JAK2: variants seen among roughly 807,000 people sequenced by gnomAD.
JAK2 encodes tyrosine-protein kinase JAK2.
JAK2 carries 86 observed loss-of-function variants against 139.3 expected under a neutral mutation model. The ratio of observed to expected loss-of-function variants is 0.62; its 90% CI spans 0.52 to 0.74. JAK2 has a LOEUF of 0.74. Among genes scored for constraint, JAK2 ranks in the 30% least tolerant of loss-of-function variants. The probability of loss-of-function intolerance (pLI) is 0.00; values close to 1 mark genes in which losing one functional copy is unlikely to be tolerated. For missense variants in JAK2, 1,421 were observed against 1,360.3 expected, an observed-to-expected ratio of 1.04 and a Z score of -0.70; for synonymous variants, 490 against 437.7, an observed-to-expected ratio of 1.12 and a Z score of -1.49.
At chr9:5,113,738 G>T in intron 22 of JAK2, 1 of 167,722 alleles carries the variant, frequency 6.0e-6, no homozygotes, top group South Asian at 1.6e-4. Flanking sequence ...CACGCCCTCT[G>T]GCCATTACGC....
At chr9:5,059,138 C>A (rs1001354093) in intron 8 of JAK2, among the ~76,000 whole-genome samples, 31 of 152,246 alleles carry the variant, frequency 2.0e-4, no homozygotes, top group Non-Finnish European at 3.4e-4. Context: ...TGAATTTTTA[C>A]ATATTTGTAC....
intron 2 of JAK2, among the ~76,000 whole-genome samples, chr9:5,013,696 T>A (rs559357474): frequency 6.6e-6 from 1 of 152,372 alleles, no homozygotes; most frequent in East Asian, 1.9e-4. Flanking sequence ...ATGTTTTAAT[T>A]GTTGTGTGAA....
chr9:5,086,906 G>A (rs1037455054), intron 19 of JAK2, among the ~76,000 whole-genome samples: 2 of 151,992 alleles, frequency 1.3e-5, no homozygotes, highest in East Asian at 1.9e-4. Context: ...AACTACTTTC[G>A]CTGGTATCCA....
chr9:4,988,952 T>C (rs1820106862), intron 2 of JAK2, among the ~76,000 whole-genome samples: 1 of 152,184 alleles, frequency 6.6e-6, no homozygotes, highest in Non-Finnish European at 1.5e-5. Context: ...CCTCCTTTAC[T>C]GTGTGAATCC....
intron 22 of JAK2, among the ~76,000 whole-genome samples, chr9:5,092,762 G>C (rs1820684853): frequency 6.6e-6 from 1 of 152,200 alleles, no homozygotes; most frequent in Admixed American, 6.5e-5. Context: ...ATAGTGGGAA[G>C]ATTCATGAGT....
At chr9:5,062,382 T>A (rs1818244396) in intron 8 of JAK2, among the ~76,000 whole-genome samples, 1 of 151,834 alleles carries the variant, frequency 6.6e-6, no homozygotes, top group Non-Finnish European at 1.5e-5. Context: ...TAATAAAGTT[T>A]AAATTTTGTG....
Position 5,077,343 on chromosome 9 carries a change from T to C in JAK2, c.1865-110T>C, listed in dbSNP as rs1586747539. 3 of 380,142 alleles carry C rather than the reference T, an allele frequency of 7.9e-6. No individual in the cohort carries two copies. The East Asian group carries it at 1.5e-4, about 19-fold the overall frequency. 23.5% of individuals were successfully genotyped at this position (380,142 alleles called of 1,614,324 possible). A position where few individuals can be genotyped will look rare whatever the true frequency, so the allele number is the denominator to read the frequency against. ...TCTTTAAAGTTGTGAGTTTTGCCAA[T>C]TTAATTTCTTTACCTATAATGGTCA... On this transcript the variant is annotated intron_variant, in intron 14 of 24. Coordinates refer to ENST00000381652, the MANE Select transcript of JAK2 (RefSeq NM_004972.4).
At chr9:5,102,621 A>G (rs910781809) in intron 22 of JAK2, among the ~76,000 whole-genome samples, 1 of 152,202 alleles carries the variant, frequency 6.6e-6, no homozygotes, top group Non-Finnish European at 1.5e-5. Flanking sequence ...TGAAGGAAAA[A>G]AATGTTAAGG....
chr9:5,042,328 G>A (rs898799949), intron 4 of JAK2, among the ~76,000 whole-genome samples: 15 of 151,236 alleles, frequency 9.9e-5, no homozygotes, highest in Non-Finnish European at 2.1e-4. Flanking sequence ...TAGTAGAGAC[G>A]GGGTTTCACC....
intron 22 of JAK2, among the ~76,000 whole-genome samples, chr9:5,103,453 C>G (rs753098515): frequency 2.2e-4 from 34 of 151,942 alleles, no homozygotes; most frequent in Non-Finnish European, 8.8e-5. Context: ...GAGACTTAGA[C>G]TCCCACACAA....
intron 22 of JAK2, chr9:5,112,128 C>T (rs371519170): frequency 6.4e-6 from 2 of 314,882 alleles, no homozygotes; most frequent in South Asian, 2.5e-5. Context: ...TCTGCAGCCA[C>T]GCCATGGGCA....
chr9:5,126,689 T>C lies in JAK2; in HGVS notation c.3297T>C (p.Tyr1099=). 1 of 1,605,456 alleles carries C rather than the reference T, an allele frequency of 6.2e-7. No homozygotes were observed. The highest frequency in any genetic ancestry group is 2.2e-5 in the East Asian group (1 of 44,754). ...PRPDGCPDEI[Y]MIMTECWNNN... is the part of the protein sequence containing the mutation. ...GTTTATTTTCTCCTTTACAGATCTA[T>C]ATGATCATGACAGAATGCTGGAACA... The change falls in exon 25 of 25, where the codon TAT becomes TAC. Residue 1099 remains tyrosine, a synonymous_variant. Transcript: ENST00000381652.
At chr9:5,080,437 T>C in intron 17 of JAK2, 57 bp downstream of exon 17, 1 of 1,547,932 alleles carries the variant, frequency 6.5e-7, no homozygotes. Context: ...CATATTTCTT[T>C]CACATGATTT....
intron 6 of JAK2, among the ~76,000 whole-genome samples, chr9:5,051,900 C>G (rs1336970900): frequency 6.6e-6 from 1 of 151,784 alleles, no homozygotes; most frequent in Non-Finnish European, 1.5e-5. Context: ...AGGTCTTAAC[C>G]TAAGGGTGTA....
chr9:5,096,749 A>G lies in JAK2; in HGVS notation c.3059+5838A>G, dbSNP rs182825491. 26 of 152,324 alleles carry G rather than the reference A, an allele frequency of 1.7e-4. No individual in the cohort carries two copies. In the East Asian group the frequency reaches 3.9e-3, roughly 23 times the overall value. The allele number at this position is 152,324 out of a possible 1,614,324, so 9.4% of individuals were successfully genotyped here. On this transcript the variant is annotated intron_variant, in intron 22 of 24. Coordinates refer to ENST00000381652, the MANE Select transcript of JAK2 (RefSeq NM_004972.4). ...TGCTGTTCGGCGCATGAGTGGGGAT[A>G]GTGGGTACCTCCTTAAGCCTTCTAA...
chr9:5,029,309 CATCTT>C (rs1822986474), intron 3 of JAK2, among the ~76,000 whole-genome samples: 1 of 152,138 alleles, frequency 6.6e-6, no homozygotes, highest in African/African-American at 2.4e-5. Context: ...TTATGTTTGT[CATCTT>C]ATATGGGCAC....
intron 2 of JAK2, among the ~76,000 whole-genome samples, chr9:5,010,275 T>C (rs1172428723): frequency 2.6e-5 from 4 of 152,182 alleles, no homozygotes; most frequent in Non-Finnish European, 4.4e-5. Context: ...TTTATATCTA[T>C]TTTAAGCCCT....
intron 4 of JAK2, among the ~76,000 whole-genome samples, chr9:5,034,378 G>A (rs1404806446): frequency 1.3e-5 from 2 of 152,122 alleles, no homozygotes; most frequent in Non-Finnish European, 2.9e-5. Flanking sequence ...ATTCAGCTCT[G>A]GACCAAGCAG....
intron 3 of JAK2, among the ~76,000 whole-genome samples, chr9:5,027,014 T>C (rs2130125017): frequency 6.6e-6 from 1 of 152,370 alleles, no homozygotes; most frequent in Non-Finnish European, 1.5e-5. Flanking sequence ...TTTTGTGATT[T>C]GATACCTATT....
Sources: gnomAD v4.1 joint callset for allele counts (sites outside exome capture counted in the v4.1 genomes callset) on GRCh38, gnomAD v4.1.1 for gene constraint, MANE v1.5 for transcripts, NCBI Gene and HGNC (gene_info 2026-07-23, HGNC 2026-07-21) for gene names.